Variants in KCNQ1 observed in about 807,000 individuals in gnomAD.
The protein encoded by KCNQ1 is potassium voltage-gated channel subfamily KQT member 1.
KCNQ1 carries 49 observed loss-of-function variants against 72.4 expected under a neutral mutation model. That is an observed-to-expected ratio of 0.68 (90% confidence interval 0.54 to 0.86). The LOEUF is 0.86. Ranked by LOEUF, KCNQ1 falls within the 40% of genes least tolerant of loss-of-function variation. KCNQ1 has a pLI of 0.00. For missense variants in KCNQ1, 790 were observed against 945.1 expected, an observed-to-expected ratio of 0.84 and a Z score of 2.15; for synonymous variants, 450 against 412.6, an observed-to-expected ratio of 1.09 and a Z score of -1.10.
intron 10 of KCNQ1, chr11:2,618,539 A>C: frequency 2.5e-6 from 1 of 398,510 alleles, no homozygotes; most frequent in Middle Eastern, 6.3e-4. Flanking sequence ...TGGGCTCTCT[A>C]TTCTGTTCCA....
Position 2,601,891 on chromosome 11 carries a change from G to A in KCNQ1, c.1393+13037G>A, listed in dbSNP as rs1425281419. ...AGTAGGCTGAACAATGGCCCCCAAA[G>A]TAGCCAGGTCCTAACGCCTAGAACC... is the stretch of plus-strand genomic sequence containing the variant. On this transcript the variant is annotated intron_variant, in intron 10 of 15. Transcript: ENST00000155840. The surrounding 1 kb of genome is among the most constrained non-coding windows in gnomAD (Gnocchi z 5.2). 6.6e-6 allele frequency among the ~76,000 whole-genome samples: 1 copy of A among 152,158 alleles called. No individual in the cohort carries two copies. The highest frequency in any genetic ancestry group is 1.5e-5 in the Non-Finnish European group (1 of 68,030).
intron 1 of KCNQ1, among the ~76,000 whole-genome samples, chr11:2,470,375 G>A (rs1410139303): frequency 1.3e-5 from 2 of 152,118 alleles, no homozygotes; most frequent in Non-Finnish European, 2.9e-5. Flanking sequence ...ATATACTTGC[G>A]AGACTTTAGT....
intron 11 of KCNQ1, chr11:2,699,962 A>G (rs1014223131): frequency 5.0e-6 from 2 of 398,288 alleles, no homozygotes; most frequent in Non-Finnish European, 8.9e-6. Context: ...AGCTCCCTGG[A>G]GGTCCGTGCT....
chr11:2,548,800 C>T (rs536515885), intron 2 of KCNQ1, among the ~76,000 whole-genome samples: 146 of 152,326 alleles, frequency 9.6e-4, no homozygotes, highest in African/African-American at 2.9e-3. Flanking sequence ...CAAATGCCCA[C>T]GCACGTACAC....
At position 2,508,579 on chromosome 11, in the gene KCNQ1, G is replaced by T. The variant is rs1847144000; in HGVS notation, c.387-19349G>T. Among the ~76,000 whole-genome samples, 1 of 152,112 alleles carries T rather than the reference G, an allele frequency of 6.6e-6. No homozygotes were observed. The highest frequency in any genetic ancestry group is 6.5e-5 in the Admixed American group (1 of 15,284). ...CAGGGTCCCAGCCTCCATGTACGGG[G>T]CTGGGACCCACCAGGACCCAGACTC... is the stretch of plus-strand genomic sequence containing the variant. On this transcript the variant is annotated intron_variant, in intron 1 of 15. Transcript: ENST00000155840. The surrounding 1 kb of genome is among the most constrained non-coding windows in gnomAD (Gnocchi z 6.2).
chr11:2,620,726 A>C lies in KCNQ1; in HGVS notation c.1393+31872A>C. ...TATCCAGTAATGGGATTGCTGGGTC[A>C]GATGGTAGTTCTGTTTTCAGTTATT... On this transcript the variant is annotated intron_variant, in intron 10 of 15. Transcript: ENST00000155840. The surrounding 1 kb of genome is among the most constrained non-coding windows in gnomAD (Gnocchi z 4.5). 2.5e-6 allele frequency: 1 copy of C among 398,626 alleles called. No homozygotes were observed. Among genetic ancestry groups the C allele is most frequent in the Non-Finnish European group, 4.4e-6 (1 of 226,062 alleles). 24.7% of individuals were successfully genotyped at this position (398,626 alleles called of 1,614,324 possible).
rs143431218 is a variant in KCNQ1 at position 2,486,040 on chromosome 11, T to C, written c.386+40556T>C. ...TATCTTTTCAACGCCCTGCTTTCAA[T>C]TCTTTTGGGTATATACCCAGAAGTG... On this transcript the variant is annotated intron_variant, in intron 1 of 15. Transcript: ENST00000155840. This position sits in a 1 kb window ranked among gnomAD's most constrained non-coding sequence, Gnocchi z 5.0. Among the ~76,000 whole-genome samples the C allele has an allele frequency of 1.1e-4, 17 of 152,202 alleles. No homozygotes were observed. Among genetic ancestry groups the C allele is most frequent in the Non-Finnish European group, 2.2e-4 (15 of 68,026 alleles).
At chr11:2,675,429 C>T (rs1192951270) in intron 11 of KCNQ1, 3 of 398,242 alleles carry the variant, frequency 7.5e-6, no homozygotes, top group Non-Finnish European at 8.8e-6. Flanking sequence ...TGTCATTTTG[C>T]GTTAAAATAA....
At position 2,651,470 on chromosome 11, in the gene KCNQ1, ATC is replaced by A. The variant is rs1849755691; in HGVS notation, c.1394-10489_1394-10488del. On this transcript the variant is annotated intron_variant, in intron 10 of 15. Transcript: ENST00000155840. This position sits in a 1 kb window ranked among gnomAD's most constrained non-coding sequence, Gnocchi z 6.1. ...AGTCAGAGGTAGTGCTTATGAAAGT[ATC>A]TGGTGGGCTTGCATTAAGAAGCTGT... The A allele has an allele frequency of 2.5e-6, 1 of 398,746 alleles. No homozygotes were observed. The highest frequency in any genetic ancestry group is 4.4e-6 in the Non-Finnish European group (1 of 226,126). 24.7% of individuals were successfully genotyped at this position (398,746 alleles called of 1,614,324 possible). A position where few individuals can be genotyped will look rare whatever the true frequency, so the allele number is the denominator to read the frequency against.
rs979267490 is a variant in KCNQ1 at position 2,698,495 on chromosome 11, C to G, written c.1514+36414C>G. 4.3e-5 allele frequency: 17 copies of G among 398,514 alleles called. No individual in the cohort carries two copies. The highest frequency in any genetic ancestry group is 3.3e-4 in the African/African-American group (16 of 48,614). The allele number at this position is 398,514 out of a possible 1,614,324, so 24.7% of individuals were successfully genotyped here. A position where few individuals can be genotyped will look rare whatever the true frequency, so the allele number is the denominator to read the frequency against. On this transcript the variant is annotated intron_variant, in intron 11 of 15. Coordinates refer to ENST00000155840, the MANE Select transcript of KCNQ1 (RefSeq NM_000218.3). The surrounding 1 kb of genome is among the most constrained non-coding windows in gnomAD (Gnocchi z 5.1). Reference sequence around the variant, plus strand: ...CAATATGACCAAGAGACTTCTACCACTACCTCTCACCTGGCAGGTGATCAC... The same window carrying G: ...CAATATGACCAAGAGACTTCTACCAGTACCTCTCACCTGGCAGGTGATCAC...
rs772295383 is a variant in KCNQ1 at position 2,549,637 on chromosome 11, G to A, written c.478-20991G>A. On this transcript the variant is annotated intron_variant, in intron 2 of 15. Transcript: ENST00000155840. This position sits in a 1 kb window ranked among gnomAD's most constrained non-coding sequence, Gnocchi z 6.2. Reference sequence around the variant, plus strand: ...TCTGCGAGGCCCGGGGTAGGGGCGTGGGGGGGCCTCCTCCTCCCAAGCACC... The same window carrying A: ...TCTGCGAGGCCCGGGGTAGGGGCGTAGGGGGGCCTCCTCCTCCCAAGCACC... Among the ~76,000 whole-genome samples, 1 of 151,760 alleles carries A rather than the reference G, an allele frequency of 6.6e-6. No individual in the cohort carries two copies. The highest frequency in any genetic ancestry group is 1.5e-5 in the Non-Finnish European group (1 of 67,864).
intron 1 of KCNQ1, among the ~76,000 whole-genome samples, chr11:2,524,259 G>T (rs988520368): frequency 3.9e-5 from 6 of 152,136 alleles, no homozygotes; most frequent in Admixed American, 3.9e-4. Flanking sequence ...CAAGACCAGA[G>T]CCTGGCAAGT....
rs576880222 is a variant in KCNQ1, at chr11:2,507,729, G to A, written c.387-20199G>A. Among the ~76,000 whole-genome samples, 31 of 152,250 alleles carry A rather than the reference G, an allele frequency of 2.0e-4. No homozygotes were observed. Among genetic ancestry groups the A allele is most frequent in the African/African-American group, 7.2e-4 (30 of 41,542 alleles). On this transcript the variant is annotated intron_variant, in intron 1 of 15. Transcript: ENST00000155840. The surrounding 1 kb of genome is among the most constrained non-coding windows in gnomAD (Gnocchi z 5.4). The stretch of plus-strand genomic sequence containing the variant: ...GGCTCACAAGTTAGGGGAGGTGTCA[G>A]TGTGTAAATGACATGAGCGCAGGGG...
In KCNQ1 at chr11:2,645,159, A is replaced by G. The variant is rs949287186; in HGVS notation, c.1394-16802A>G. Reference sequence around the variant, plus strand: ...TGGCAGAACAATCTTCTGCCTCCCAAGGTGTCCATGCTGGTATTGGGATGG... The same window carrying G: ...TGGCAGAACAATCTTCTGCCTCCCAGGGTGTCCATGCTGGTATTGGGATGG... On this transcript the variant is annotated intron_variant, in intron 10 of 15. Transcript: ENST00000155840. The surrounding 1 kb of genome is among the most constrained non-coding windows in gnomAD (Gnocchi z 5.8). 2 of 398,674 alleles carry G rather than the reference A, an allele frequency of 5.0e-6. No individual in the cohort carries two copies. The highest frequency in any genetic ancestry group is 7.1e-5 in the East Asian group (2 of 28,080). The allele number at this position is 398,674 out of a possible 1,614,324, so 24.7% of individuals were successfully genotyped here. A position where few individuals can be genotyped will look rare whatever the true frequency, so the allele number is the denominator to read the frequency against.
intron 10 of KCNQ1, chr11:2,639,759 G>A (rs1422700160): frequency 6.6e-6 from 1 of 152,412 alleles, no homozygotes; most frequent in Non-Finnish European, 1.5e-5. Context: ...GGACATTTAA[G>A]TCTGCAGAGG....
chr11:2,718,073 C>T (rs917890788), intron 11 of KCNQ1, among the ~76,000 whole-genome samples: 1 of 152,190 alleles, frequency 6.6e-6, no homozygotes, highest in African/African-American at 2.4e-5. Flanking sequence ...TGTGGAGCTG[C>T]CTCTTCTGGA....
chr11:2,571,275 G>A (rs1848328931), intron 3 of KCNQ1, 50 bp from the exon 4 acceptor site: 1 of 1,460,262 alleles, frequency 6.8e-7, no homozygotes, highest in African/African-American at 1.4e-5. Context: ...CTTCCCTGGG[G>A]CCCTGGCTGT....
In KCNQ1 at chr11:2,473,855, C is replaced by T. The variant is rs949002353; in HGVS notation, c.386+28371C>T. 2.0e-5 allele frequency among the ~76,000 whole-genome samples: 3 copies of T among 152,220 alleles called. No homozygotes were observed. The highest frequency in any genetic ancestry group is 1.9e-4 in the East Asian group (1 of 5,190). ...CACCAGCTGGGCAGACAGCCGCATG[C>T]GCTCACCACTCGCCCTCCACAGATG... On this transcript the variant is annotated intron_variant, in intron 1 of 15. Transcript: ENST00000155840. The surrounding 1 kb of genome is among the most constrained non-coding windows in gnomAD (Gnocchi z 6.0).
intron 15 of KCNQ1, among the ~76,000 whole-genome samples, chr11:2,795,679 C>T (rs1019001100): frequency 6.6e-6 from 1 of 152,248 alleles, no homozygotes; most frequent in Non-Finnish European, 1.5e-5. Flanking sequence ...GCCATGGTGA[C>T]ACCCAGCCCC....
Sources: allele counts gnomAD v4.1 joint callset (sites outside exome capture counted in the v4.1 genomes callset), GRCh38; gene constraint gnomAD v4.1.1; non-coding constraint Gnocchi (gnomAD v3.1); transcripts MANE v1.5; gene names NCBI Gene and HGNC (gene_info 2026-07-23, HGNC 2026-07-21).